Variants in GNPTAB observed in about 807,000 individuals in gnomAD.
The protein encoded by GNPTAB is N-acetylglucosamine-1-phosphotransferase subunits alpha/beta.
Under a neutral mutation model 136.6 loss-of-function variants are expected in GNPTAB, and 92 were observed. The ratio of observed to expected loss-of-function variants is 0.67; its 90% CI spans 0.57 to 0.80. The LOEUF is 0.80. GNPTAB is among the 30% of genes least tolerant of loss of function. The probability of loss-of-function intolerance (pLI) is 0.00; values close to 1 mark genes in which losing one functional copy is unlikely to be tolerated. For synonymous variants in GNPTAB, 512 were observed against 535.1 expected, an observed-to-expected ratio of 0.96 and a Z score of 0.60; for missense variants, 1,343 against 1,501.8, an observed-to-expected ratio of 0.89 and a Z score of 1.75.
At chr12:101,819,473 G>A (rs1431076949) in intron 1 of GNPTAB, among the ~76,000 whole-genome samples, 1 of 152,146 alleles carries the variant, frequency 6.6e-6, no homozygotes, top group Non-Finnish European at 1.5e-5. Flanking sequence ...GGGAATTAAT[G>A]AGAGACAGAA....
At chr12:101,811,383 CT>C (rs11356611) in intron 1 of GNPTAB, among the ~76,000 whole-genome samples, 81,748 of 142,478 alleles carry the variant, frequency 0.57, 23,360 homozygotes, top group African/African-American at 0.74. Context: ...ATAATTTTTT[CT>C]TTTTTTTTTT....
Position 101,830,853 on chromosome 12 carries a change from G to A in GNPTAB, c.-178C>T. On this transcript the variant is annotated 5_prime_UTR_variant, in exon 1 of 21. Coordinates refer to ENST00000299314, the MANE Select transcript of GNPTAB (RefSeq NM_024312.5). ...GCCCGCTCGGCTCCGCGCCGCGGCCGCCGCTTCCGGGAGCCGGGAGCCCAC... is the reference window on the plus strand; with the variant it reads ...GCCCGCTCGGCTCCGCGCCGCGGCCACCGCTTCCGGGAGCCGGGAGCCCAC... The A allele has an allele frequency of 6.1e-6, 1 of 163,100 alleles. No individual in the cohort carries two copies. The highest frequency in any genetic ancestry group is 1.3e-5 in the Non-Finnish European group (1 of 75,634). The allele number at this position is 163,100 out of a possible 1,614,324, so 10.1% of individuals were successfully genotyped here.
intron 1 of GNPTAB, among the ~76,000 whole-genome samples, chr12:101,815,384 A>C (rs1232447328): frequency 6.6e-6 from 1 of 152,204 alleles, no homozygotes; most frequent in Non-Finnish European, 1.5e-5. Context: ...GATTTTGAAG[A>C]ATTCTGATGT....
rs751743725 is a variant in GNPTAB at position 101,757,536 on chromosome 12, T to TA, written c.3335+35dup. The TA allele has an allele frequency of 3.0e-6, 3 of 1,013,328 alleles. No homozygotes were observed. In the East Asian group the frequency reaches 7.1e-5, roughly 24 times the overall value. The allele number at this position is 1,013,328 out of a possible 1,614,324, so 62.8% of individuals were successfully genotyped here. ...AAAGCCAGACCTTTGTGATTACTCT[T>TA]ATACTAAACAAAGGGAGTATGCGTG... On this transcript the variant is annotated intron_variant, in intron 17 of 20. Coordinates refer to ENST00000299314, the MANE Select transcript of GNPTAB (RefSeq NM_024312.5).
rs2137095562 is a variant in GNPTAB at position 101,747,038 on chromosome 12, T to C, written c.*126A>G. 2 of 706,358 alleles carry C rather than the reference T, an allele frequency of 2.8e-6. No homozygotes were observed. Among genetic ancestry groups the C allele is most frequent in the South Asian group, 3.0e-5 (2 of 66,396 alleles). 43.8% of individuals were successfully genotyped at this position (706,358 alleles called of 1,614,324 possible). ...GCTATATTCATGCCACAAAACAGCA[T>C]GGTACTGGATATTTTCCTTCTTCGG... On this transcript the variant is annotated 3_prime_UTR_variant, in exon 21 of 21. Transcript: ENST00000299314.
At chr12:101,765,831 C>A in intron 12 of GNPTAB, 3 of 444,978 alleles carry the variant, frequency 6.7e-6, no homozygotes, top group South Asian at 2.3e-5. Context: ...AAAACTTCAC[C>A]ACATATTTTC....
chr12:101,830,300 C>CTCA (rs1248001139), intron 1 of GNPTAB, among the ~76,000 whole-genome samples: 1 of 152,162 alleles, frequency 6.6e-6, no homozygotes, highest in Non-Finnish European at 1.5e-5. Context: ...TTCTGACTTG[C>CTCA]TCATAGTCTC....
intron 5 of GNPTAB, among the ~76,000 whole-genome samples, chr12:101,782,644 T>C (rs1270473761): frequency 2.6e-5 from 4 of 152,192 alleles, no homozygotes; most frequent in Non-Finnish European, 5.9e-5. Flanking sequence ...TCAGATCACA[T>C]TACATTTCTA....
At chr12:101,790,461 G>C (rs987423715) in intron 2 of GNPTAB, among the ~76,000 whole-genome samples, 1 of 152,188 alleles carries the variant, frequency 6.6e-6, no homozygotes, top group Non-Finnish European at 1.5e-5. Flanking sequence ...AAATAAATTA[G>C]AAGTTTAAAG....
intron 1 of GNPTAB, among the ~76,000 whole-genome samples, chr12:101,818,161 A>T (rs1015697314): frequency 2.6e-5 from 4 of 152,146 alleles, no homozygotes; most frequent in African/African-American, 9.7e-5. Context: ...CACCAATGGC[A>T]TCTTTTCCTT....
intron 19 of GNPTAB, 102 bp downstream of exon 19, chr12:101,753,266 TAAAA>T: frequency 9.9e-7 from 1 of 1,005,250 alleles, no homozygotes; most frequent in Non-Finnish European, 1.5e-6. Flanking sequence ...AAAAAAAAAA[TAAAA>T]AGAGAAATTT....
intron 1 of GNPTAB, among the ~76,000 whole-genome samples, chr12:101,814,161 T>G (rs762217541): frequency 6.6e-6 from 1 of 151,776 alleles, no homozygotes; most frequent in Non-Finnish European, 1.5e-5. Flanking sequence ...TAGCCAGGTA[T>G]GGTGGCATGA....
chr12:101,818,376 CTTT>C (rs11347749), intron 1 of GNPTAB, among the ~76,000 whole-genome samples: 24 of 132,612 alleles, frequency 1.8e-4, no homozygotes, highest in Admixed American at 3.1e-4. Context: ...ATATTTGTGT[CTTT>C]TTTTTTTTTT....
chr12:101,765,316 A>G lies in GNPTAB; in HGVS notation c.1613-12T>C. On this transcript the variant is annotated splice_polypyrimidine_tract_variant and intron_variant, in intron 12 of 20. Transcript: ENST00000299314. ...TTCATGAAAATGATCTAGAGGAAAA[A>G]ACAGAAACATGATTTTTTTTTTAAC... 1 of 1,571,322 alleles carries G rather than the reference A, an allele frequency of 6.4e-7. No individual in the cohort carries two copies. The highest frequency in any genetic ancestry group is 8.8e-7 in the Non-Finnish European group (1 of 1,141,728).
intron 7 of GNPTAB, among the ~76,000 whole-genome samples, chr12:101,776,264 T>A (rs1953261379): frequency 6.6e-6 from 1 of 152,168 alleles, no homozygotes; most frequent in African/African-American, 2.4e-5. Context: ...AAACCCACCA[T>A]GAATGAAAAT....
intron 1 of GNPTAB, among the ~76,000 whole-genome samples, chr12:101,801,539 C>CAAAAAAAAAAAA (rs36066248): frequency 9.4e-5 from 4 of 42,592 alleles, no homozygotes; most frequent in African/African-American, 2.8e-4. Context: ...GACCCTGTCT[C>CAAAAAAAAAAAA]AAAAAAAAAA....
At chr12:101,782,338 T>G (rs560177100) in intron 5 of GNPTAB, among the ~76,000 whole-genome samples, 1 of 152,312 alleles carries the variant, frequency 6.6e-6, no homozygotes, top group African/African-American at 2.4e-5. Context: ...TACTCAACAG[T>G]GAGTTCAGTA....
At chr12:101,760,781 CTTTTTTTT>C (rs879535763) in intron 15 of GNPTAB, among the ~76,000 whole-genome samples, 1 of 137,226 alleles carries the variant, frequency 7.3e-6, no homozygotes, top group Admixed American at 7.4e-5. Flanking sequence ...ATTTTCTTTT[CTTTTTTTT>C]TTTTTTTTGA....
intron 10 of GNPTAB, among the ~76,000 whole-genome samples, chr12:101,768,745 C>T (rs1197896850): frequency 1.6e-5 from 2 of 124,106 alleles, no homozygotes; most frequent in Non-Finnish European, 3.8e-5. Context: ...AAAATACACT[C>T]CTCTTTAAAA....
Sources: allele counts gnomAD v4.1 joint callset (sites outside exome capture counted in the v4.1 genomes callset), GRCh38; gene constraint gnomAD v4.1.1; transcripts MANE v1.5; gene names NCBI Gene and HGNC (gene_info 2026-07-23, HGNC 2026-07-21).